The following TTC9 variants were observed in gnomAD, a reference collection of about 807,000 sequenced individuals.
The protein encoded by TTC9 is tetratricopeptide repeat protein 9A.
In TTC9, 13 loss-of-function variants were observed where a neutral mutation model predicts 22.9. The observed-to-expected ratio is 0.57, with a 90% CI of 0.37 to 0.90. The LOEUF is 0.90. Among genes scored for constraint, TTC9 ranks in the 40% least tolerant of loss-of-function variants. The pLI, the probability that TTC9 is intolerant of heterozygous loss-of-function variation, is 0.01. For missense variants in TTC9, 280 were observed against 291.8 expected (o/e 0.96, Z 0.29); for synonymous variants, 148 against 133.2 (o/e 1.11, Z -0.77).
chr14:70,655,701 TC>T (rs1886055138), intron 1 of TTC9, among the ~76,000 whole-genome samples: 1 of 152,156 alleles, frequency 6.6e-6, no homozygotes, highest in Admixed American at 6.5e-5. Context: ...AAGGGGCCAC[TC>T]GACTTCCTGT....
At chr14:70,661,463 C>G (rs1594739742) in intron 1 of TTC9, among the ~76,000 whole-genome samples, 2 of 152,360 alleles carry the variant, frequency 1.3e-5, no homozygotes, top group Admixed American at 1.3e-4. Context: ...GGTCTTCCTT[C>G]CATTTAGCCC....
chr14:70,642,398 T>A lies in TTC9; in HGVS notation c.269T>A (p.Leu90Gln), dbSNP rs1351086580. 6.2e-7 allele frequency: 1 copy of A among 1,602,180 alleles called. No homozygotes were observed. The highest frequency in any genetic ancestry group is 1.7e-5 in the Admixed American group (1 of 58,830). ...CGGGCGTTGCTGGAGCTGAAGGGGC[T>A]GCTGCCGCCCCCCGGGGAACGGGAG... ...YHRALLELKG[L>Q]LPPPGERERD... Residue 90 changes from leucine (L) to glutamine (Q), a missense_variant, in exon 1 of 3, where the codon CTG becomes CAG. Transcript: ENST00000256367.
At chr14:70,663,754 C>T (rs1886175753) in intron 1 of TTC9, among the ~76,000 whole-genome samples, 1 of 152,196 alleles carries the variant, frequency 6.6e-6, no homozygotes, top group South Asian at 2.1e-4. Context: ...ACTGCCCCGC[C>T]CAGTGCCCAG....
chr14:70,657,347 G>C (rs1371374409), intron 1 of TTC9, among the ~76,000 whole-genome samples: 1 of 152,172 alleles, frequency 6.6e-6, no homozygotes. Context: ...CTCTGGTAGT[G>C]ATCCCAAAGG....
chr14:70,652,787 ATGGATCTGCACCTCCAGGTTG>A (rs1886004207), intron 1 of TTC9, among the ~76,000 whole-genome samples: 1 of 152,194 alleles, frequency 6.6e-6, no homozygotes, highest in Non-Finnish European at 1.5e-5. Flanking sequence ...CCTTTCTCTA[ATGGATCTGCACCTCCAGGTTG>A]TGGAGACCAC....
At chr14:70,660,746 G>A (rs766385103) in intron 1 of TTC9, among the ~76,000 whole-genome samples, 6 of 152,192 alleles carry the variant, frequency 3.9e-5, no homozygotes. Context: ...TGCCTATTTG[G>A]TTTGGTTATG....
chr14:70,650,406 G>C (rs1323692961), intron 1 of TTC9, among the ~76,000 whole-genome samples: 4 of 148,432 alleles, frequency 2.7e-5, no homozygotes, highest in Non-Finnish European at 6.0e-5. Context: ...CTGGGCGACA[G>C]AGCAGGACAC....
rs1886317039 is a variant in TTC9 at position 70,672,910 on chromosome 14, T to G, written c.*1755T>G. 6.6e-6 allele frequency: 1 copy of G among 152,240 alleles called. No individual in the cohort carries two copies. Among genetic ancestry groups the G allele is most frequent in the African/African-American group, 2.4e-5 (1 of 41,454 alleles). 9.4% of individuals were successfully genotyped at this position (152,240 alleles called of 1,614,324 possible). A position where few individuals can be genotyped will look rare whatever the true frequency, so the allele number is the denominator to read the frequency against. On this transcript the variant is annotated 3_prime_UTR_variant, in exon 3 of 3. Transcript: ENST00000256367. ...TATGCTATACTTAGTTGCCTCTCTG[T>G]AAGTATAATATTGGGCAATTATAAC...
rs1482974634 is a variant in TTC9 at position 70,673,313 on chromosome 14, T to C, written c.*2158T>C. 6.6e-6 allele frequency: 1 copy of C among 152,092 alleles called. No individual in the cohort carries two copies. The highest frequency in any genetic ancestry group is 2.4e-5 in the African/African-American group (1 of 41,372). 9.4% of individuals were successfully genotyped at this position (152,092 alleles called of 1,614,324 possible). On this transcript the variant is annotated 3_prime_UTR_variant, in exon 3 of 3. Coordinates refer to ENST00000256367, the MANE Select transcript of TTC9 (RefSeq NM_015351.2). Reference sequence around the variant, plus strand: ...CCGAGGGGCCCAGAAGAGAGCAGCGTAAGTTATATTCACATAGTTCCCCAA... The same window carrying C: ...CCGAGGGGCCCAGAAGAGAGCAGCGCAAGTTATATTCACATAGTTCCCCAA...
chr14:70,642,596 A>T, intron 1 of TTC9, 61 bp downstream of exon 1: 1 of 1,444,608 alleles, frequency 6.9e-7, no homozygotes, highest in Non-Finnish European at 9.2e-7. Flanking sequence ...CCCTCCGCGG[A>T]CCACTGCGGC....
chr14:70,654,335 A>G (rs1181848396), intron 1 of TTC9, among the ~76,000 whole-genome samples: 1 of 152,092 alleles, frequency 6.6e-6, no homozygotes, highest in Non-Finnish European at 1.5e-5. Flanking sequence ...TTATGCCTGT[A>G]ATCCCAGCAG....
intron 1 of TTC9, among the ~76,000 whole-genome samples, chr14:70,663,118 T>C (rs995980499): frequency 6.6e-6 from 1 of 152,248 alleles, no homozygotes; most frequent in African/African-American, 2.4e-5. Flanking sequence ...CCAGATCTTC[T>C]ACGTGGACCA....
intron 1 of TTC9, among the ~76,000 whole-genome samples, chr14:70,666,980 G>A (rs942760539): frequency 3.3e-5 from 5 of 152,190 alleles, no homozygotes; most frequent in Admixed American, 6.5e-5. Flanking sequence ...TGATCTCACA[G>A]TTCCAGGGGC....
chr14:70,667,148 G>A (rs189993287), intron 1 of TTC9, among the ~76,000 whole-genome samples: 3 of 152,292 alleles, frequency 2.0e-5, no homozygotes, highest in Non-Finnish European at 4.4e-5. Flanking sequence ...TCTTTCCTCT[G>A]TGTGTGTCTG....
At position 70,673,584 on chromosome 14, in the gene TTC9, C is replaced by G. The variant is rs188483536; in HGVS notation, c.*2429C>G. ...TCAAACGCCCCGACCCCCACCCCCA[C>G]CCCCATTCCCAAGCCTCCAACTTAG... is the stretch of plus-strand genomic sequence containing the variant. On this transcript the variant is annotated 3_prime_UTR_variant, in exon 3 of 3. Coordinates refer to ENST00000256367, the MANE Select transcript of TTC9 (RefSeq NM_015351.2). The G allele has an allele frequency of 1.7e-4, 26 of 151,344 alleles. 1 individual carries two copies. The highest frequency in any genetic ancestry group is 1.7e-3 in the Admixed American group (26 of 15,166). The allele number at this position is 151,344 out of a possible 1,614,324, so 9.4% of individuals were successfully genotyped here. A position where few individuals can be genotyped will look rare whatever the true frequency, so the allele number is the denominator to read the frequency against.
At chr14:70,658,824 A>G (rs1008384773) in intron 1 of TTC9, among the ~76,000 whole-genome samples, 1 of 152,206 alleles carries the variant, frequency 6.6e-6, no homozygotes, top group African/African-American at 2.4e-5. Context: ...TCAGCAGATG[A>G]ATGGGTAAAC....
chr14:70,654,118 A>G (rs1566697499), intron 1 of TTC9, among the ~76,000 whole-genome samples: 1 of 151,958 alleles, frequency 6.6e-6, no homozygotes, highest in Non-Finnish European at 1.5e-5. Context: ...TCCTCCACCA[A>G]AACACCCAGG....
intron 1 of TTC9, among the ~76,000 whole-genome samples, chr14:70,656,810 G>A (rs1442783292): frequency 6.6e-6 from 1 of 152,186 alleles, no homozygotes; most frequent in East Asian, 1.9e-4. Flanking sequence ...GGCCAATCTG[G>A]CCACTCCAAA....
chr14:70,650,082 T>G (rs1363673626), intron 1 of TTC9, among the ~76,000 whole-genome samples: 1 of 152,138 alleles, frequency 6.6e-6, no homozygotes, highest in East Asian at 1.9e-4. Flanking sequence ...TAAGAGGTCT[T>G]GAGAAATCGA....
Sources: gnomAD v4.1 joint callset for allele counts (sites outside exome capture counted in the v4.1 genomes callset) on GRCh38, gnomAD v4.1.1 for gene constraint, MANE v1.5 for transcripts, NCBI Gene and HGNC (gene_info 2026-07-23, HGNC 2026-07-21) for gene names.